Variants in PTPRM observed in about 807,000 individuals in gnomAD.
PTPRM encodes protein tyrosine phosphatase receptor type M, also known as receptor-type tyrosine-protein phosphatase mu.
PTPRM carries 47 observed loss-of-function variants against 186.7 expected under a neutral mutation model. That is an observed-to-expected ratio of 0.25 (90% confidence interval 0.20 to 0.32). The LOEUF (loss-of-function observed/expected upper bound fraction) is 0.32. PTPRM is among the 10% of genes least tolerant of loss of function. PTPRM has a pLI of 1.00. For missense variants in PTPRM, 1,494 were observed against 1,865.0 expected, an observed-to-expected ratio of 0.80 and a Z score of 3.66; for synonymous variants, 668 against 674.9, an observed-to-expected ratio of 0.99 and a Z score of 0.16.
chr18:8,255,946 G>A (rs1239884767), intron 19 of PTPRM, among the ~76,000 whole-genome samples: 1 of 152,236 alleles, frequency 6.6e-6, no homozygotes, highest in African/African-American at 2.4e-5. Flanking sequence ...GCACAGCCAG[G>A]CTTCTGGGAA....
At chr18:8,364,636 T>C (rs943662395) in intron 23 of PTPRM, among the ~76,000 whole-genome samples, 4 of 152,166 alleles carry the variant, frequency 2.6e-5, no homozygotes, top group Non-Finnish European at 4.4e-5. Flanking sequence ...TCCACCCTCT[T>C]CTCAGCGGGC....
intron 5 of PTPRM, among the ~76,000 whole-genome samples, chr18:7,930,284 G>C (rs1166775196): frequency 6.6e-6 from 1 of 152,078 alleles, no homozygotes; most frequent in Non-Finnish European, 1.5e-5. Flanking sequence ...TGCCTAGGCT[G>C]GTCTCAAACT....
At chr18:7,762,327 G>A (rs1292142921) in intron 1 of PTPRM, among the ~76,000 whole-genome samples, 1 of 152,010 alleles carries the variant, frequency 6.6e-6, no homozygotes, top group African/African-American at 2.4e-5. Flanking sequence ...CAGATGCTGG[G>A]GGAGGGGTGG....
chr18:8,080,265 G>A (rs1353516324), intron 9 of PTPRM, among the ~76,000 whole-genome samples: 1 of 152,070 alleles, frequency 6.6e-6, no homozygotes. Context: ...CAATGTACAA[G>A]GATATTTGCC....
At position 7,701,926 on chromosome 18, in the gene PTPRM, C is replaced by T. The variant is rs889078809; in HGVS notation, c.74-72223C>T. 3.3e-5 allele frequency among the ~76,000 whole-genome samples: 5 copies of T among 152,034 alleles called. No individual in the cohort carries two copies. In the South Asian group the frequency reaches 1.0e-3, roughly 32 times the overall value. ...GTCCATGTGTTCTCATTGTTCAACTCCCGTTTATGAGAACATGTGGTGTTT... is the reference window on the plus strand; with the variant it reads ...GTCCATGTGTTCTCATTGTTCAACTTCCGTTTATGAGAACATGTGGTGTTT... On this transcript the variant is annotated intron_variant, in intron 1 of 32. Transcript: ENST00000580170.
At chr18:8,328,404 A>G (rs2095391748) in intron 22 of PTPRM, among the ~76,000 whole-genome samples, 1 of 152,378 alleles carries the variant, frequency 6.6e-6, no homozygotes, top group South Asian at 2.1e-4. Flanking sequence ...TCAAAAGCTC[A>G]GCCTTCAGTA....
chr18:7,790,354 A>G (rs2043281355), intron 2 of PTPRM, among the ~76,000 whole-genome samples: 1 of 152,202 alleles, frequency 6.6e-6, no homozygotes, highest in African/African-American at 2.4e-5. Context: ...TGAGCCTTTC[A>G]CAGGCAGCAT....
At position 8,130,892 on chromosome 18, in the gene PTPRM, A is replaced by C. The variant is rs553080288; in HGVS notation, c.2168-12755A>C. 4.6e-5 allele frequency among the ~76,000 whole-genome samples: 7 copies of C among 152,354 alleles called. No homozygotes were observed. In the East Asian group the frequency reaches 9.6e-4, roughly 21 times the overall value. On this transcript the variant is annotated intron_variant, in intron 13 of 32. Coordinates refer to ENST00000580170, the MANE Select transcript of PTPRM (RefSeq NM_001105244.2). ...ATCTCAGCTTCCATATCTGTAAAAC[A>C]GGGAGAATACTATTTCTTTACCTCA...
chr18:7,842,926 G>GTATATA (rs1410846963), intron 2 of PTPRM, among the ~76,000 whole-genome samples: 1 of 72,990 alleles, frequency 1.4e-5, no homozygotes, highest in African/African-American at 6.8e-5. Context: ...GTGTGTGTGT[G>GTATATA]TGTGTATATA....
rs1416422271 is a variant in PTPRM at position 7,833,753 on chromosome 18, AACAACAAC to A, written c.197-54351_197-54344del. 2.9e-3 allele frequency among the ~76,000 whole-genome samples: 52 copies of A among 17,768 alleles called. 2 individuals carry two copies. The East Asian group carries it at 0.43, about 146-fold the overall frequency. 11.7% of individuals were successfully genotyped at this position (17,768 alleles called of 152,430 possible). On this transcript the variant is annotated intron_variant, in intron 2 of 32. Coordinates refer to ENST00000580170, the MANE Select transcript of PTPRM (RefSeq NM_001105244.2). ...CTGTCTCAGAAAGAAAAACAACAAC[AACAACAAC>A]AACAACAACAACAACAACAACAAAA...
chr18:7,964,923 C>T (rs1317477612), intron 7 of PTPRM, among the ~76,000 whole-genome samples: 1 of 151,736 alleles, frequency 6.6e-6, no homozygotes, highest in Non-Finnish European at 1.5e-5. Context: ...ACTTCATTTA[C>T]ATATGAGACA....
chr18:8,305,251 C>A (rs1463128570), intron 20 of PTPRM, among the ~76,000 whole-genome samples: 1 of 152,052 alleles, frequency 6.6e-6, no homozygotes, highest in Non-Finnish European at 1.5e-5. Context: ...AGGAAAAAAA[C>A]GTCTGTTTTA....
intron 2 of PTPRM, among the ~76,000 whole-genome samples, chr18:7,861,710 A>C (rs1010202911): frequency 6.6e-6 from 1 of 151,934 alleles, no homozygotes; most frequent in Non-Finnish European, 1.5e-5. Flanking sequence ...AATCTTGTGC[A>C]CCTTTCTTGG....
At chr18:8,022,670 A>G (rs2147977954) in intron 7 of PTPRM, among the ~76,000 whole-genome samples, 1 of 152,180 alleles carries the variant, frequency 6.6e-6, no homozygotes, top group East Asian at 1.9e-4. Context: ...CTGCGCTCCT[A>G]TTGATCTAGG....
At chr18:7,734,647 A>C (rs1256064530) in intron 1 of PTPRM, among the ~76,000 whole-genome samples, 3 of 152,222 alleles carry the variant, frequency 2.0e-5, no homozygotes, top group Admixed American at 2.0e-4. Flanking sequence ...TGTTAATTAA[A>C]AGAAGGGAGC....
At chr18:7,610,210 T>C (rs993704477) in intron 1 of PTPRM, among the ~76,000 whole-genome samples, 2 of 151,270 alleles carry the variant, frequency 1.3e-5, no homozygotes, top group African/African-American at 4.9e-5. Flanking sequence ...GAACAACTTA[T>C]TTGATAGGAA....
intron 31 of PTPRM, among the ~76,000 whole-genome samples, chr18:8,394,242 G>C (rs570294866): frequency 4.5e-4 from 69 of 152,292 alleles, no homozygotes; most frequent in Admixed American, 1.4e-3. Context: ...AATGTGACCA[G>C]GGCTGAGGTG....
chr18:8,352,014 A>G (rs1395284769), intron 23 of PTPRM, among the ~76,000 whole-genome samples: 1 of 152,228 alleles, frequency 6.6e-6, no homozygotes, highest in African/African-American at 2.4e-5. Flanking sequence ...AAATTAGCCC[A>G]AAGATAGGCT....
At chr18:7,597,786 T>G (rs1207944440) in intron 1 of PTPRM, among the ~76,000 whole-genome samples, 2 of 152,174 alleles carry the variant, frequency 1.3e-5, no homozygotes, top group African/African-American at 4.8e-5. Flanking sequence ...AAGCATTAGA[T>G]TTCCTGTAAA....
Sources: allele counts gnomAD v4.1 joint callset (sites outside exome capture counted in the v4.1 genomes callset), GRCh38; gene constraint gnomAD v4.1.1; transcripts MANE v1.5; gene names NCBI Gene and HGNC (gene_info 2026-07-23, HGNC 2026-07-21).